Variants in TMEM177 observed in about 807,000 individuals in gnomAD.
TMEM177 encodes the protein transmembrane protein 177.
Under a neutral mutation model 14.2 loss-of-function variants are expected in TMEM177, and 4 were observed. The ratio of observed to expected loss-of-function variants is 0.28; its 90% confidence interval spans 0.14 to 0.64. The LOEUF (loss-of-function observed/expected upper bound fraction) is 0.64. Ranked by LOEUF, TMEM177 falls within the 30% of genes least tolerant of loss-of-function variation. The probability of loss-of-function intolerance (pLI) is 0.82; values close to 1 mark genes in which losing one functional copy is unlikely to be tolerated. For synonymous variants in TMEM177, 179 were observed against 174.5 expected, an observed-to-expected ratio of 1.03 and a Z score of -0.20; for missense variants, 344 against 405.2, an observed-to-expected ratio of 0.85 and a Z score of 1.30.
the TMEM177 span, among the ~76,000 whole-genome samples, chr2:119,705,756 C>T: frequency 3.9e-4 from 59 of 151,558 alleles, 1 homozygote; most frequent in Admixed American, 2.8e-3. Context: ...GTCCCAGTTT[C>T]CTCCCACACT....
chr2:119,692,590 ACTTCTTT>A, the TMEM177 span, among the ~76,000 whole-genome samples: 13 of 152,360 alleles, frequency 8.5e-5, no homozygotes, highest in African/African-American at 2.9e-4. Context: ...CCATGCTGGA[ACTTCTTT>A]CAGAGAACAA....
chr2:119,692,244 G>A, the TMEM177 span, among the ~76,000 whole-genome samples: 3 of 152,326 alleles, frequency 2.0e-5, no homozygotes, highest in South Asian at 2.1e-4. Flanking sequence ...CATATGAATC[G>A]ATTTTGTTTT....
At chr2:119,701,878 T>C in the TMEM177 span, among the ~76,000 whole-genome samples, 1 of 152,246 alleles carries the variant, frequency 6.6e-6, no homozygotes. Flanking sequence ...CTTTTCTTGC[T>C]GTCTTCTGTT....
chr2:119,688,122 A>G (rs1689043683), downstream of TMEM177, among the ~76,000 whole-genome samples: 4 of 152,208 alleles, frequency 2.6e-5, no homozygotes, highest in African/African-American at 7.2e-5. Flanking sequence ...CAGCCATTAA[A>G]AAGTATAATT....
At chr2:119,723,064 T>A in the TMEM177 span, among the ~76,000 whole-genome samples, 3 of 152,188 alleles carry the variant, frequency 2.0e-5, no homozygotes, top group Non-Finnish European at 2.9e-5. Context: ...ATTCTCTACT[T>A]CTTTGTTTTT....
the TMEM177 span, among the ~76,000 whole-genome samples, chr2:119,693,563 T>A: frequency 6.6e-6 from 1 of 152,164 alleles, no homozygotes; most frequent in Non-Finnish European, 1.5e-5. Flanking sequence ...CAGAGGCTGC[T>A]GTCTGCACAA....
chr2:119,695,133 C>T, the TMEM177 span, among the ~76,000 whole-genome samples: 1 of 152,226 alleles, frequency 6.6e-6, no homozygotes, highest in Non-Finnish European at 1.5e-5. Context: ...TCCTTCATTT[C>T]TGGGTAGGAA....
chr2:119,696,660 A>C, the TMEM177 span, among the ~76,000 whole-genome samples: 1 of 152,190 alleles, frequency 6.6e-6, no homozygotes, highest in Non-Finnish European at 1.5e-5. Flanking sequence ...ATTTCTCAAC[A>C]GTGTGGCCAA....
At chr2:119,701,540 C>T in the TMEM177 span, among the ~76,000 whole-genome samples, 6 of 152,152 alleles carry the variant, frequency 3.9e-5, no homozygotes, top group African/African-American at 1.2e-4. Context: ...GCTCTCCTTA[C>T]CTGTTCTTTC....
chr2:119,694,739 GC>G, the TMEM177 span, among the ~76,000 whole-genome samples: 4 of 152,202 alleles, frequency 2.6e-5, no homozygotes, highest in African/African-American at 9.6e-5. Context: ...CAGACCTTGG[GC>G]CCCCGGTGAG....
the TMEM177 span, among the ~76,000 whole-genome samples, chr2:119,705,128 C>T: frequency 6.6e-6 from 1 of 152,208 alleles, no homozygotes; most frequent in Admixed American, 6.5e-5. Flanking sequence ...CCTCCCCAGG[C>T]CAGGTCCCAG....
the TMEM177 span, among the ~76,000 whole-genome samples, chr2:119,695,559 G>C: frequency 6.6e-6 from 1 of 152,204 alleles, no homozygotes; most frequent in African/African-American, 2.4e-5. Flanking sequence ...GATGGAGCAA[G>C]GGCAGAGAGG....
At chr2:119,705,704 T>C in the TMEM177 span, among the ~76,000 whole-genome samples, 1 of 149,558 alleles carries the variant, frequency 6.7e-6, no homozygotes, top group Non-Finnish European at 1.5e-5. Flanking sequence ...GGAGTGACAG[T>C]CCATCACATT....
chr2:119,704,960 C>G, the TMEM177 span, among the ~76,000 whole-genome samples: 1 of 152,176 alleles, frequency 6.6e-6, no homozygotes, highest in South Asian at 2.1e-4. Flanking sequence ...CCTTCAACCA[C>G]ATCTGGAAGG....
At chr2:119,683,757 T>C (rs10188890), downstream of TMEM177, among the ~76,000 whole-genome samples, 125,067 of 152,074 alleles carry the variant, frequency 0.82, 51,529 homozygotes, top group East Asian at 0.89. Flanking sequence ...TCCAGCCGTG[T>C]GTATGTGTGT....
the TMEM177 span, among the ~76,000 whole-genome samples, chr2:119,706,017 A>ATTTT: frequency 1.6e-4 from 23 of 140,480 alleles, no homozygotes; most frequent in African/African-American, 5.6e-4. Context: ...TATATTATAT[A>ATTTT]TATTTATATA....
chr2:119,707,051 A>G, the TMEM177 span, among the ~76,000 whole-genome samples: 20 of 151,944 alleles, frequency 1.3e-4, no homozygotes, highest in Non-Finnish European at 1.2e-4. Flanking sequence ...AGCTGGGACC[A>G]CAGGCGCCCA....
At chr2:119,699,278 G>T in the TMEM177 span, among the ~76,000 whole-genome samples, 1 of 152,208 alleles carries the variant, frequency 6.6e-6, no homozygotes, top group African/African-American at 2.4e-5. Context: ...AGGAAGAGAA[G>T]TGCCAAGTGA....
Position 119,681,386 on chromosome 2 carries a change from CAGGGACCTGGG to C in TMEM177, c.534_544del (p.Gly179ThrfsTer69). 1 of 1,613,560 alleles carries C rather than the reference CAGGGACCTGGG, an allele frequency of 6.2e-7. No homozygotes were observed. On this transcript the variant is annotated frameshift_variant, in exon 2 of 2. Transcript: ENST00000272521. LOFTEE classifies it high-confidence loss of function. ...GCCCTGCTGGCCCCAGCTTGCCTGG[CAGGGACCTGGG>C]CACTGGGCGTGGGTGCCAAGTACAC... is the stretch of plus-strand genomic sequence containing the variant.
Sources: allele counts gnomAD v4.1 joint callset (sites outside exome capture counted in the v4.1 genomes callset), GRCh38; gene constraint gnomAD v4.1.1; transcripts MANE v1.5; gene names NCBI Gene and HGNC (gene_info 2026-07-23, HGNC 2026-07-21).